Variants in LRFN2 observed in about 807,000 individuals in gnomAD.
LRFN2 encodes the protein leucine-rich repeat and fibronectin type-III domain-containing protein 2.
LRFN2 carries 18 observed loss-of-function variants against 37.3 expected under a neutral mutation model. That is an observed-to-expected ratio of 0.48 (90% CI 0.33 to 0.72). The LOEUF (loss-of-function observed/expected upper bound fraction) is 0.72, where lower values mean the gene tolerates loss of function less well. Ranked by LOEUF, LRFN2 falls within the 30% of genes least tolerant of loss-of-function variation. The pLI, the probability that LRFN2 is intolerant of heterozygous loss-of-function variation, is 0.02. For synonymous variants in LRFN2, 556 were observed against 466.6 expected (o/e 1.19, Z -2.47); for missense variants, 1,006 against 1,060.7 (o/e 0.95, Z 0.72).
Position 40,488,541 on chromosome 6 carries a change from AC to A in LRFN2, c.-18-55411del, listed in dbSNP as rs975516539. Reference sequence around the variant, plus strand: ...CAGGTATACAACACACCAACTCTCCACCTGTCCCCACCACACCTTAGGCAGC... The same window carrying A: ...CAGGTATACAACACACCAACTCTCCACTGTCCCCACCACACCTTAGGCAGC... On this transcript the variant is annotated intron_variant, in intron 1 of 2. Transcript: ENST00000338305. Among the ~76,000 whole-genome samples, 43 of 151,818 alleles carry A rather than the reference AC, an allele frequency of 2.8e-4. 1 individual carries two copies. The highest frequency in any genetic ancestry group is 1.0e-3 in the African/African-American group (42 of 41,388).
intron 2 of LRFN2, among the ~76,000 whole-genome samples, chr6:40,407,519 T>C (rs533780405): frequency 3.9e-5 from 6 of 152,356 alleles, no homozygotes; most frequent in Admixed American, 3.3e-4. Context: ...TCCTGGGTCA[T>C]CTGGTACCAC....
At chr6:40,485,574 C>T (rs1035609992) in intron 1 of LRFN2, among the ~76,000 whole-genome samples, 4 of 152,186 alleles carry the variant, frequency 2.6e-5, no homozygotes, top group Admixed American at 1.3e-4. Flanking sequence ...CCTCCAACAT[C>T]GACAGCAAGG....
intron 1 of LRFN2, among the ~76,000 whole-genome samples, chr6:40,468,456 G>A (rs1764521722): frequency 6.6e-6 from 1 of 152,144 alleles, no homozygotes; most frequent in African/African-American, 2.4e-5. Flanking sequence ...GGGGAAGAAG[G>A]GGTGTTTGAA....
intron 1 of LRFN2, among the ~76,000 whole-genome samples, chr6:40,450,063 G>A (rs889993830): frequency 1.3e-5 from 2 of 152,324 alleles, no homozygotes; most frequent in South Asian, 4.1e-4. Context: ...CAGGGAACTA[G>A]AAAAACTTCA....
intron 1 of LRFN2, among the ~76,000 whole-genome samples, chr6:40,453,297 A>T (rs929061284): frequency 1.3e-5 from 2 of 152,116 alleles, no homozygotes; most frequent in Non-Finnish European, 2.9e-5. Flanking sequence ...GGAGAAACTA[A>T]TTGGCTGGCT....
chr6:40,573,105 ACTC>A (rs1286154322), intron 1 of LRFN2, among the ~76,000 whole-genome samples: 6 of 152,138 alleles, frequency 3.9e-5, no homozygotes, highest in Non-Finnish European at 7.4e-5. Context: ...TCAGCTGAGA[ACTC>A]CTGATGAAAT....
chr6:40,506,552 G>A (rs991494024), intron 1 of LRFN2, among the ~76,000 whole-genome samples: 2 of 152,058 alleles, frequency 1.3e-5, no homozygotes, highest in African/African-American at 4.8e-5. Flanking sequence ...TTGGTATTTA[G>A]GATCATGAGG....
chr6:40,427,181 ATCT>A (rs1379982574), intron 2 of LRFN2, among the ~76,000 whole-genome samples: 1 of 152,248 alleles, frequency 6.6e-6, no homozygotes, highest in African/African-American at 2.4e-5. Context: ...GTAGTTATCA[ATCT>A]TAATTAGAAA....
Position 40,447,727 on chromosome 6 carries a change from T to A in LRFN2, c.-18-14596A>T, listed in dbSNP as rs113130494. Among the ~76,000 whole-genome samples the A allele has an allele frequency of 2.0e-5, 3 of 152,292 alleles. No homozygotes were observed. In the East Asian group the frequency reaches 5.8e-4, roughly 29 times the overall value. On this transcript the variant is annotated intron_variant, in intron 1 of 2. Transcript: ENST00000338305. ...CTATGAAGTGGGTGTGGTAGTTATT[T>A]CTATTTACAGATAAGGTGAGGCCCA...
intron 1 of LRFN2, among the ~76,000 whole-genome samples, chr6:40,473,917 C>T (rs1476326247): frequency 6.6e-6 from 1 of 152,188 alleles, no homozygotes; most frequent in Non-Finnish European, 1.5e-5. Context: ...GCCGCCTGGA[C>T]CCACCATGCC....
At chr6:40,540,665 A>G (rs995278141) in intron 1 of LRFN2, among the ~76,000 whole-genome samples, 1 of 152,202 alleles carries the variant, frequency 6.6e-6, no homozygotes, top group Non-Finnish European at 1.5e-5. Context: ...TGGGGTTTTC[A>G]TTATGAAGGA....
chr6:40,460,822 T>C (rs754785051), intron 1 of LRFN2, among the ~76,000 whole-genome samples: 74 of 152,272 alleles, frequency 4.9e-4, no homozygotes, highest in Admixed American at 1.5e-3. Flanking sequence ...AGTGACATCT[T>C]TATGCAATGG....
intron 1 of LRFN2, among the ~76,000 whole-genome samples, chr6:40,530,690 G>T (rs1766327347): frequency 4.0e-5 from 6 of 151,892 alleles, no homozygotes; most frequent in South Asian, 4.2e-4. Context: ...CCACGTGGGG[G>T]ACCTGCCCCC....
At chr6:40,419,517 T>C (rs180878338) in intron 2 of LRFN2, among the ~76,000 whole-genome samples, 4 of 152,158 alleles carry the variant, frequency 2.6e-5, no homozygotes, top group Non-Finnish European at 2.9e-5. Context: ...CCAGTTCAAC[T>C]CCAGCCAACC....
At chr6:40,446,863 CTGTG>C (rs1561859516) in intron 1 of LRFN2, among the ~76,000 whole-genome samples, 2 of 31,732 alleles carry the variant, frequency 6.3e-5, no homozygotes, top group Non-Finnish European at 1.2e-4. Context: ...GATGATGGGG[CTGTG>C]TCTCCCTCAG....
chr6:40,450,896 G>A (rs969449124), intron 1 of LRFN2, among the ~76,000 whole-genome samples: 6 of 152,218 alleles, frequency 3.9e-5, no homozygotes, highest in African/African-American at 1.2e-4. Context: ...GAGGAAGGAA[G>A]ATCAGGGAAG....
At chr6:40,472,015 C>T (rs1764609020) in intron 1 of LRFN2, among the ~76,000 whole-genome samples, 1 of 152,170 alleles carries the variant, frequency 6.6e-6, no homozygotes. Context: ...TTGCATTACC[C>T]AATAACAAAT....
At chr6:40,440,483 C>T (rs557552273) in intron 1 of LRFN2, among the ~76,000 whole-genome samples, 9 of 151,662 alleles carry the variant, frequency 5.9e-5, no homozygotes, top group Admixed American at 1.3e-4. Context: ...AGAGAATGAA[C>T]GAATGAATGA....
At chr6:40,535,620 C>A (rs1204692676) in intron 1 of LRFN2, among the ~76,000 whole-genome samples, 2 of 152,158 alleles carry the variant, frequency 1.3e-5, no homozygotes, top group Non-Finnish European at 2.9e-5. Context: ...GACTATGAGC[C>A]AGGCACCCTC....
Sources: allele counts gnomAD v4.1 joint callset (sites outside exome capture counted in the v4.1 genomes callset), GRCh38; gene constraint gnomAD v4.1.1; transcripts MANE v1.5; gene names NCBI Gene and HGNC (gene_info 2026-07-23, HGNC 2026-07-21).